The following COL5A2 variants were observed in gnomAD, a reference collection of about 807,000 sequenced individuals.
COL5A2 encodes the protein collagen alpha-2(V) chain.
COL5A2 carries 23 observed loss-of-function variants against 208.2 expected under a neutral mutation model. The observed-to-expected ratio is 0.11, with a 90% CI of 0.08 to 0.16. The LOEUF (loss-of-function observed/expected upper bound fraction) is 0.16, where lower values mean the gene tolerates loss of function less well. Ranked by LOEUF, COL5A2 falls within the 10% of genes least tolerant of loss-of-function variation. COL5A2 has a pLI of 1.00. For synonymous variants in COL5A2, 625 were observed against 628.5 expected (o/e 0.99, Z 0.08); for missense variants, 1,590 against 1,956.4 (o/e 0.81, Z 3.53).
chr2:189,126,398 AAATT>A (rs1204734184), intron 1 of COL5A2, among the ~76,000 whole-genome samples: 1 of 152,064 alleles, frequency 6.6e-6, no homozygotes, highest in Non-Finnish European at 1.5e-5. Flanking sequence ...TTACCAAAAG[AAATT>A]ATTTCTTTTT....
chr2:189,062,791 G>C, intron 29 of COL5A2, 74 bp downstream of exon 29: 1 of 1,567,654 alleles, frequency 6.4e-7, no homozygotes, highest in Non-Finnish European at 8.8e-7. Flanking sequence ...CATAAGTCTT[G>C]AACAAACATC....
At chr2:189,324,620 T>C in the COL5A2 span, among the ~76,000 whole-genome samples, 3 of 152,094 alleles carry the variant, frequency 2.0e-5, no homozygotes, top group South Asian at 2.1e-4. Context: ...AAATGAGATA[T>C]CATCTCACAC....
At chr2:189,180,699 G>A (rs1434995139), upstream of COL5A2, among the ~76,000 whole-genome samples, 1 of 152,170 alleles carries the variant, frequency 6.6e-6, no homozygotes, top group African/African-American at 2.4e-5. Context: ...GCTCCAAATT[G>A]CAAAGAGCTA....
At chr2:189,187,427 A>G (rs1303521032) in intron 1 of COL5A2, among the ~76,000 whole-genome samples, 1 of 152,202 alleles carries the variant, frequency 6.6e-6, no homozygotes, top group Non-Finnish European at 1.5e-5. Context: ...TGCTGGCCCC[A>G]CCACTTACTA....
intron 1 of COL5A2, among the ~76,000 whole-genome samples, chr2:189,145,500 G>A (rs1369363202): frequency 1.3e-5 from 2 of 151,990 alleles, no homozygotes; most frequent in Non-Finnish European, 2.9e-5. Context: ...TTACAATTAT[G>A]TATTGCTATT....
In COL5A2 at chr2:189,068,038, G is replaced by A. The variant is rs35830636; in HGVS notation, c.1378C>T (p.Pro460Ser). The change falls in exon 21 of 54, where the codon CCT becomes TCT. Residue 460 changes from proline (P) to serine (S), a missense_variant. Coordinates refer to ENST00000374866, the MANE Select transcript of COL5A2 (RefSeq NM_000393.5). ...ACCGGTTGGCCTCGAATTCCCTGAG[G>A]ACCAGTGCTACCCTGAGGTCCTGGA... ...GSPGPQGSTG[P>S]QGIRGQPGDP... The A allele has an allele frequency of 0.045, 73,247 of 1,613,706 alleles. 1,961 individuals carry two copies. Among genetic ancestry groups the A allele is most frequent in the Non-Finnish European group, 0.054 (63,742 of 1,179,692 alleles).
At chr2:189,105,653 G>GTATATCACATAGATCATTAAA (rs1160171270) in intron 2 of COL5A2, among the ~76,000 whole-genome samples, 5 of 151,130 alleles carry the variant, frequency 3.3e-5, no homozygotes, top group East Asian at 3.9e-4. Context: ...CATTTTTTGT[G>GTATATCACATAGATCATTAAA]TCACACAAAT....
intron 53 of COL5A2, among the ~76,000 whole-genome samples, chr2:189,034,547 GACTT>G (rs149601566): frequency 0.012 from 1,893 of 152,232 alleles, 49 homozygotes; most frequent in African/African-American, 0.042. Context: ...CAAGCGGGGA[GACTT>G]ACTTACAAAT....
chr2:189,303,200 C>T, the COL5A2 span, among the ~76,000 whole-genome samples: 1 of 152,118 alleles, frequency 6.6e-6, no homozygotes, highest in Non-Finnish European at 1.5e-5. Flanking sequence ...AACCAACTGA[C>T]AACAATTGGT....
chr2:189,192,533 A>C (rs1013630122), intron 1 of COL5A2, among the ~76,000 whole-genome samples: 1 of 152,180 alleles, frequency 6.6e-6, no homozygotes, highest in African/African-American at 2.4e-5. Flanking sequence ...ACATTCATGA[A>C]TAAGTTTTCT....
chr2:189,039,430 G>T lies in COL5A2; in HGVS notation c.3767C>A (p.Ala1256Glu), dbSNP rs558404005. ...CGTTTTGTTTTTGTCATCAGGAGCC[G>T]CCTGATCTTCAGTAAACTCAGGAAG... ...DPLPEFTEDQAAPDDKNKTDP... is the reference protein window; with the variant it reads ...DPLPEFTEDQEAPDDKNKTDP... The change falls in exon 51 of 54, where the codon GCG (alanine) becomes GAG (glutamate). Residue 1256 changes from alanine to glutamate, a missense_variant. Transcript: ENST00000374866. 1.2e-6 allele frequency: 2 copies of T among 1,613,864 alleles called. No individual in the cohort carries two copies. Among genetic ancestry groups the T allele is most frequent in the African/African-American group, 1.3e-5 (1 of 74,864 alleles).
rs1031194062 is a variant in COL5A2, at chr2:189,051,566, G to A, written c.2770-85C>T. Reference sequence around the variant, plus strand: ...TGACATAACGCTGTCTGCCTCAGATGCAGATGTCCAAGCCTCGCAGGTTCA... The same window carrying A: ...TGACATAACGCTGTCTGCCTCAGATACAGATGTCCAAGCCTCGCAGGTTCA... On this transcript the variant is annotated intron_variant, in intron 41 of 53. Transcript: ENST00000374866. The A allele has an allele frequency of 5.5e-5, 69 of 1,262,912 alleles. No homozygotes were observed. The East Asian group carries it at 1.3e-3, about 23-fold the overall frequency. The allele number at this position is 1,262,912 out of a possible 1,614,324, so 78.2% of individuals were successfully genotyped here.
At chr2:189,320,500 C>T in the COL5A2 span, among the ~76,000 whole-genome samples, 76 of 152,222 alleles carry the variant, frequency 5.0e-4, no homozygotes, top group South Asian at 0.014. Flanking sequence ...AACCATGGCA[C>T]GAGAACTACG....
At chr2:189,267,013 A>T in the COL5A2 span, among the ~76,000 whole-genome samples, 21 of 151,884 alleles carry the variant, frequency 1.4e-4, no homozygotes. Flanking sequence ...AAAATGATAA[A>T]TGAATTGATA....
intron 13 of COL5A2, 49 bp from the exon 14 acceptor site, chr2:189,080,080 C>T (rs1354233145): frequency 2.7e-6 from 4 of 1,455,534 alleles, no homozygotes; most frequent in Non-Finnish European, 3.9e-6. Context: ...TTTTTCAATC[C>T]TCAAAGGCAT....
At chr2:189,125,250 C>A (rs1292109054) in intron 1 of COL5A2, among the ~76,000 whole-genome samples, 4 of 152,088 alleles carry the variant, frequency 2.6e-5, no homozygotes, top group South Asian at 2.1e-4. Flanking sequence ...GGGAATAAGG[C>A]CATTCACAGT....
chr2:189,163,340 C>T (rs1688406138), intron 1 of COL5A2, among the ~76,000 whole-genome samples: 1 of 152,180 alleles, frequency 6.6e-6, no homozygotes, highest in African/African-American at 2.4e-5. Context: ...TCACCAAAAA[C>T]ATTTAGAGAA....
At chr2:189,385,596 C>T in the COL5A2 span, among the ~76,000 whole-genome samples, 1 of 151,758 alleles carries the variant, frequency 6.6e-6, no homozygotes, top group Admixed American at 6.6e-5. Flanking sequence ...TTACCAATGC[C>T]ATTTTTCACA....
At chr2:189,362,298 G>A in the COL5A2 span, among the ~76,000 whole-genome samples, 26 of 152,110 alleles carry the variant, frequency 1.7e-4, no homozygotes, top group African/African-American at 6.0e-4. Flanking sequence ...AAGGCCACCA[G>A]GCTATTAAAG....
Sources: allele counts gnomAD v4.1 joint callset (sites outside exome capture counted in the v4.1 genomes callset), GRCh38; gene constraint gnomAD v4.1.1; transcripts MANE v1.5; gene names NCBI Gene and HGNC (gene_info 2026-07-23, HGNC 2026-07-21).